The following TENM1 variants were observed in gnomAD, a reference collection of about 807,000 sequenced individuals.
TENM1 encodes teneurin-1.
TENM1 carries 35 observed loss-of-function variants against 174.8 expected under a neutral mutation model. The ratio of observed to expected loss-of-function variants is 0.20; its 90% CI spans 0.15 to 0.27. TENM1 has a LOEUF of 0.27. TENM1 is among the 10% of genes least tolerant of loss of function. The pLI, the probability that TENM1 is intolerant of heterozygous loss-of-function variation, is 1.00. For missense variants in TENM1, 1,633 were observed against 2,130.1 expected, an observed-to-expected ratio of 0.77 and a Z score of 4.59; for synonymous variants, 781 against 798.7, an observed-to-expected ratio of 0.98 and a Z score of 0.37.
chrX:124,624,808 T>G (rs972991910), intron 11 of TENM1, among the ~76,000 whole-genome samples: 2 of 112,313 alleles, frequency 1.8e-5, no homozygotes, highest in Non-Finnish European at 3.8e-5. Context: ...TAATACATGA[T>G]AGCTATTATC....
intron 23 of TENM1, among the ~76,000 whole-genome samples, chrX:124,445,709 A>G (rs2060958499): frequency 8.9e-6 from 1 of 112,374 alleles, no homozygotes; most frequent in Admixed American, 9.4e-5. Flanking sequence ...CAAAAGGTCC[A>G]TCTTGCTTGT....
chrX:125,021,873 C>A, the TENM1 span, among the ~76,000 whole-genome samples: 1 of 112,896 alleles, frequency 8.9e-6, no homozygotes, highest in Non-Finnish European at 1.9e-5. Context: ...AGGCAGCAGG[C>A]TGCATTTAGC....
the TENM1 span, among the ~76,000 whole-genome samples, chrX:125,172,065 G>C: frequency 9.0e-6 from 1 of 111,702 alleles, no homozygotes; most frequent in Non-Finnish European, 1.9e-5. Context: ...TAGAGAGCTA[G>C]ATAAAGAGAA....
At chrX:124,654,955 AAGG>A (rs1230537953) in intron 6 of TENM1, among the ~76,000 whole-genome samples, 34 of 112,182 alleles carry the variant, frequency 3.0e-4, no homozygotes, top group Admixed American at 3.0e-3. Context: ...GAATGGAAAG[AAGG>A]AGAAGATATG....
chrX:124,705,126 G>A (rs1229067132), exon 5 of TENM1: 1 of 1,211,509 alleles, frequency 8.3e-7, no homozygotes, highest in Non-Finnish European at 1.1e-6. Context: ...GGCAGGTCGG[G>A]AAAAGGTGCT....
intron 11 of TENM1, among the ~76,000 whole-genome samples, chrX:124,599,433 T>C (rs1280806964): frequency 9.0e-6 from 1 of 111,075 alleles, no homozygotes; most frequent in Non-Finnish European, 1.9e-5. Flanking sequence ...AGAGATTAAA[T>C]TTTTAAGTCA....
At chrX:125,011,671 A>G in the TENM1 span, among the ~76,000 whole-genome samples, 1 of 111,920 alleles carries the variant, frequency 8.9e-6, no homozygotes, top group Admixed American at 9.5e-5. Flanking sequence ...GGCAATTATT[A>G]AAAAGTCAAG....
chrX:125,084,910 G>T, the TENM1 span, among the ~76,000 whole-genome samples: 3 of 111,224 alleles, frequency 2.7e-5, no homozygotes, highest in Non-Finnish European at 5.7e-5. Context: ...AATGTGAATG[G>T]TCAACTTTTT....
intron 4 of TENM1, among the ~76,000 whole-genome samples, chrX:124,708,272 G>A (rs1307621730): frequency 1.8e-5 from 2 of 111,604 alleles, no homozygotes; most frequent in Non-Finnish European, 3.8e-5. Flanking sequence ...CTATATGAAT[G>A]TTAATGGAAA....
chrX:125,038,687 G>C, the TENM1 span, among the ~76,000 whole-genome samples: 13 of 110,665 alleles, frequency 1.2e-4, no homozygotes, highest in Non-Finnish European at 5.7e-5. Context: ...ATTGTAAGTT[G>C]GCCTATAAAT....
the TENM1 span, among the ~76,000 whole-genome samples, chrX:125,008,555 T>C: frequency 8.9e-6 from 1 of 112,278 alleles, no homozygotes. Context: ...TTCAGAATTC[T>C]TCACCCCAAA....
rs753688295 is a variant in TENM1 at position 124,543,308 on chromosome X, T to C, written c.2651+3566A>G. Reference sequence around the variant, plus strand: ...TGTCAGGACAAACAAAATACATCTGTGGGCTGATTTTAAGCAACCTCTGAT... The same window carrying C: ...TGTCAGGACAAACAAAATACATCTGCGGGCTGATTTTAAGCAACCTCTGAT... On this transcript the variant is annotated intron_variant, in intron 15 of 31. Coordinates refer to ENST00000422452, the Ensembl canonical transcript of TENM1. Among the ~76,000 whole-genome samples the C allele has an allele frequency of 4.4e-5, 5 of 112,664 alleles. No homozygotes were observed. In the South Asian group the frequency reaches 1.8e-3, roughly 41 times the overall value.
the TENM1 span, among the ~76,000 whole-genome samples, chrX:125,121,890 T>C: frequency 9.0e-6 from 1 of 111,561 alleles, no homozygotes; most frequent in Non-Finnish European, 1.9e-5. Context: ...CTGGGCAACA[T>C]AGGGAGACCC....
At chrX:124,491,796 C>A (rs990021814) in intron 20 of TENM1, among the ~76,000 whole-genome samples, 2 of 111,535 alleles carry the variant, frequency 1.8e-5, no homozygotes, top group Non-Finnish European at 3.8e-5. Flanking sequence ...AGGGCTGAGG[C>A]AGAAAATATC....
intron 3 of TENM1, among the ~76,000 whole-genome samples, chrX:124,800,691 C>A (rs189422957): frequency 1.5e-4 from 17 of 111,216 alleles, no homozygotes; most frequent in Admixed American, 1.3e-3. Context: ...ATTGTGATGT[C>A]AGGGTGTCAA....
intron 1 of TENM1, among the ~76,000 whole-genome samples, chrX:124,919,579 C>T (rs996991783): frequency 4.5e-5 from 5 of 110,483 alleles, no homozygotes; most frequent in African/African-American, 1.6e-4. Context: ...TTCAGGATGA[C>T]GGTCATCTAG....
chrX:124,596,376 A>C (rs1033703465), intron 11 of TENM1, among the ~76,000 whole-genome samples: 1 of 112,057 alleles, frequency 8.9e-6, no homozygotes, highest in East Asian at 2.8e-4. Flanking sequence ...ACACGAGTTA[A>C]ACATGGTGCT....
chrX:125,006,091 G>A, the TENM1 span, among the ~76,000 whole-genome samples: 5 of 111,979 alleles, frequency 4.5e-5, no homozygotes, highest in African/African-American at 1.6e-4. Flanking sequence ...TGACTCCCAC[G>A]GAGCTTAGCA....
intron 3 of TENM1, among the ~76,000 whole-genome samples, chrX:124,853,290 G>A (rs896477803): frequency 9.0e-6 from 1 of 111,398 alleles, no homozygotes; most frequent in Non-Finnish European, 1.9e-5. Flanking sequence ...CACAGAGTAC[G>A]TCATATTTGG....
Sources: gnomAD v4.1 joint callset for allele counts (sites outside exome capture counted in the v4.1 genomes callset) on GRCh38, gnomAD v4.1.1 for gene constraint, MANE v1.5 for transcripts, NCBI Gene and HGNC (gene_info 2026-07-23, HGNC 2026-07-21) for gene names.